The following CHRNA7 variants were observed in gnomAD, a reference collection of about 807,000 sequenced individuals.
The protein encoded by CHRNA7 is neuronal acetylcholine receptor subunit alpha-7.
A neutral mutation model predicts 48.0 loss-of-function variants in CHRNA7; 17 were observed. The observed-to-expected ratio is 0.35, with a 90% confidence interval of 0.24 to 0.53. CHRNA7 has a LOEUF of 0.53. Among genes scored for constraint, CHRNA7 ranks in the 20% least tolerant of loss-of-function variants. The pLI is 0.92. For missense variants in CHRNA7, 155 were observed against 577.7 expected, an observed-to-expected ratio of 0.27 and a Z score of 7.50; for synonymous variants, 75 against 242.3, an observed-to-expected ratio of 0.31 and a Z score of 6.41.
intron 3 of CHRNA7, among the ~76,000 whole-genome samples, chr15:32,110,965 G>A (rs2050753205): frequency 1.3e-5 from 2 of 152,078 alleles, no homozygotes; most frequent in Non-Finnish European, 2.9e-5. Context: ...AGGAGCTTCT[G>A]GGCTCATACT....
chr15:32,114,065 T>TACAC (rs2050820914), intron 4 of CHRNA7, among the ~76,000 whole-genome samples: 6 of 133,606 alleles, frequency 4.5e-5, no homozygotes, highest in African/African-American at 1.7e-4. Flanking sequence ...TATATACATA[T>TACAC]ATATATATAT....
intron 2 of CHRNA7, among the ~76,000 whole-genome samples, chr15:32,062,843 A>G (rs1317000401): frequency 1.3e-5 from 2 of 152,198 alleles, no homozygotes; most frequent in African/African-American, 4.8e-5. Flanking sequence ...TGAGAAATGC[A>G]TTATTAGGCG....
chr15:32,133,478 A>G (rs2051191588), intron 4 of CHRNA7, among the ~76,000 whole-genome samples: 1 of 152,172 alleles, frequency 6.6e-6, no homozygotes, highest in Non-Finnish European at 1.5e-5. Context: ...GTCATTACCC[A>G]AGAAGGCGGG....
chr15:32,042,530 C>A (rs2049467245), intron 2 of CHRNA7, among the ~76,000 whole-genome samples: 1 of 152,154 alleles, frequency 6.6e-6, no homozygotes, highest in African/African-American at 2.4e-5. Context: ...ATTTGGGAAC[C>A]CCCTATGATT....
chr15:32,043,221 A>G (rs535279955), intron 2 of CHRNA7, among the ~76,000 whole-genome samples: 1 of 129,396 alleles, frequency 7.7e-6, no homozygotes, highest in African/African-American at 2.9e-5. Context: ...TATTCAATCT[A>G]TATTCCTTTT....
intron 2 of CHRNA7, among the ~76,000 whole-genome samples, chr15:32,093,946 G>A (rs1033962236): frequency 6.6e-6 from 1 of 152,160 alleles, no homozygotes; most frequent in South Asian, 2.1e-4. Context: ...TCTGCTGGGG[G>A]AGTTCTAGAG....
chr15:32,126,498 G>A (rs1014876619), intron 4 of CHRNA7, among the ~76,000 whole-genome samples: 1 of 152,318 alleles, frequency 6.6e-6, no homozygotes, highest in South Asian at 2.1e-4. Flanking sequence ...AAAAGAACAA[G>A]ATGGGTAGCC....
chr15:32,098,524 A>T (rs2050511966), intron 2 of CHRNA7: 1 of 152,370 alleles, frequency 6.6e-6, no homozygotes, highest in Non-Finnish European at 1.5e-5. Context: ...ACTGCCTCTC[A>T]TCTGTGGTCA....
At position 32,093,968 on chromosome 15, in the gene CHRNA7, T is replaced by C. The variant is rs1168905439; in HGVS notation, c.196-7335T>C. 2.6e-5 allele frequency among the ~76,000 whole-genome samples: 4 copies of C among 152,190 alleles called. No individual in the cohort carries two copies. The South Asian group carries it at 6.2e-4, about 24-fold the overall frequency. ...GGGGAGTTCTAGAGGCAGAAGTTTT[T>C]CCAAAGACTGCAGTCTCTGCCTCAG... is the stretch of plus-strand genomic sequence containing the variant. On this transcript the variant is annotated intron_variant, in intron 2 of 9. Coordinates refer to ENST00000306901, the MANE Select transcript of CHRNA7 (RefSeq NM_000746.6).
intron 4 of CHRNA7, among the ~76,000 whole-genome samples, chr15:32,148,193 TTTC>T (rs2051532338): frequency 6.6e-6 from 1 of 152,154 alleles, no homozygotes; most frequent in Admixed American, 6.5e-5. Flanking sequence ...AGTGCCTGGA[TTTC>T]TTCTTCTTAT....
chr15:32,133,672 G>C (rs544349416), intron 4 of CHRNA7, among the ~76,000 whole-genome samples: 1 of 152,340 alleles, frequency 6.6e-6, no homozygotes, highest in South Asian at 2.1e-4. Context: ...TCAGGGCTCA[G>C]AGTCTTCCAT....
chr15:32,075,447 A>G (rs1595417471), intron 2 of CHRNA7, among the ~76,000 whole-genome samples: 1 of 152,072 alleles, frequency 6.6e-6, no homozygotes, highest in African/African-American at 2.4e-5. Context: ...TTTTTGAGGG[A>G]TTTATTCATT....
chr15:32,130,502 T>G (rs1249007235), intron 4 of CHRNA7, among the ~76,000 whole-genome samples: 3 of 151,194 alleles, frequency 2.0e-5, no homozygotes, highest in African/African-American at 7.3e-5. Context: ...TTGTGTTTTT[T>G]GAGTAATGTT....
chr15:32,143,377 C>A (rs1389891390), intron 4 of CHRNA7, among the ~76,000 whole-genome samples: 1 of 152,188 alleles, frequency 6.6e-6, no homozygotes, highest in African/African-American at 2.4e-5. Context: ...CAATGTGGTG[C>A]TGAGAAGAAT....
At chr15:32,039,543 A>G (rs999789729) in intron 2 of CHRNA7, among the ~76,000 whole-genome samples, 1 of 152,140 alleles carries the variant, frequency 6.6e-6, no homozygotes, top group African/African-American at 2.4e-5. Context: ...CATATTGTCT[A>G]ATCTCCACGT....
chr15:32,135,654 A>G (rs1266798961), intron 4 of CHRNA7, among the ~76,000 whole-genome samples: 4 of 152,182 alleles, frequency 2.6e-5, no homozygotes, highest in African/African-American at 9.7e-5. Context: ...AACAGAAGCC[A>G]TGTCCCAAAA....
intron 2 of CHRNA7, among the ~76,000 whole-genome samples, chr15:32,094,765 A>G (rs575050011): frequency 3.3e-5 from 5 of 151,724 alleles, no homozygotes; most frequent in East Asian, 1.9e-4. Flanking sequence ...GGTTCGTGCC[A>G]TTCTCCTGCC....
chr15:32,081,046 G>A (rs1566825098), intron 2 of CHRNA7, among the ~76,000 whole-genome samples: 1 of 152,150 alleles, frequency 6.6e-6, no homozygotes, highest in Admixed American at 6.6e-5. Flanking sequence ...GAACAGAAAA[G>A]CAAACACTGC....
At chr15:32,152,280 T>G (rs1475278272) in intron 4 of CHRNA7, among the ~76,000 whole-genome samples, 1 of 152,072 alleles carries the variant, frequency 6.6e-6, no homozygotes, top group Non-Finnish European at 1.5e-5. Context: ...CCATCTCTAC[T>G]AAAAATATAA....
Sources: gnomAD v4.1 joint callset for allele counts (sites outside exome capture counted in the v4.1 genomes callset) on GRCh38, gnomAD v4.1.1 for gene constraint, MANE v1.5 for transcripts, NCBI Gene and HGNC (gene_info 2026-07-23, HGNC 2026-07-21) for gene names.